CSMD1: variants seen among roughly 807,000 people sequenced by gnomAD.
CSMD1 encodes the protein CUB and Sushi multiple domains 1.
In CSMD1, 213 loss-of-function variants were observed where a neutral mutation model predicts 417.5. The observed-to-expected ratio is 0.51, with a 90% CI of 0.46 to 0.57. The LOEUF (loss-of-function observed/expected upper bound fraction) is 0.57. CSMD1 is among the 20% of genes least tolerant of loss of function. The pLI, the probability that CSMD1 is intolerant of heterozygous loss-of-function variation, is 0.00. For synonymous variants in CSMD1, 2,862 were observed against 1,736.8 expected, an observed-to-expected ratio of 1.65 and a Z score of -16.11; for missense variants, 6,923 against 4,529.7, an observed-to-expected ratio of 1.53 and a Z score of -15.17.
chr8:3,287,620 T>A (rs1321622688), intron 25 of CSMD1, among the ~76,000 whole-genome samples: 1 of 152,184 alleles, frequency 6.6e-6, no homozygotes, highest in Non-Finnish European at 1.5e-5. Flanking sequence ...TATTGGCATA[T>A]GAGAATGCTT....
At position 4,031,500 on chromosome 8, in the gene CSMD1, T is replaced by G. The variant is rs148150612; in HGVS notation, c.610+405A>C. On this transcript the variant is annotated intron_variant, in intron 4 of 69. Transcript: ENST00000635120. ...ACTTACCCCCATGATTCAATTACCT[T>G]CTACCAGGTTCCTCCCACAACATGT... Among the ~76,000 whole-genome samples, 198 of 152,240 alleles carry G rather than the reference T, an allele frequency of 1.3e-3. 1 individual carries two copies. The highest frequency in any genetic ancestry group is 4.4e-3 in the African/African-American group (182 of 41,536).
intron 2 of CSMD1, among the ~76,000 whole-genome samples, chr8:4,469,117 C>T (rs893485880): frequency 2.0e-5 from 3 of 152,144 alleles, no homozygotes; most frequent in African/African-American, 7.2e-5. Flanking sequence ...TGTGGCCTCC[C>T]TGGAGCTCTT....
chr8:3,444,002 G>A (rs2117073644), intron 12 of CSMD1, among the ~76,000 whole-genome samples: 1 of 152,240 alleles, frequency 6.6e-6, no homozygotes, highest in African/African-American at 2.4e-5. Flanking sequence ...TGGAAGACAT[G>A]AGAAAAAACC....
chr8:4,452,165 C>T (rs940020788), intron 2 of CSMD1, among the ~76,000 whole-genome samples: 3 of 152,104 alleles, frequency 2.0e-5, no homozygotes, highest in African/African-American at 7.2e-5. Flanking sequence ...AGTTTCCATG[C>T]CTCTTCCTTC....
chr8:3,470,493 T>G (rs1817023690), intron 11 of CSMD1, among the ~76,000 whole-genome samples: 1 of 152,214 alleles, frequency 6.6e-6, no homozygotes, highest in African/African-American at 2.4e-5. Flanking sequence ...GGATACAACC[T>G]ACCAGCCTCG....
chr8:4,750,898 G>C lies in CSMD1; in HGVS notation c.86-113340C>G, dbSNP rs553903942. 5.3e-5 allele frequency among the ~76,000 whole-genome samples: 8 copies of C among 152,320 alleles called. No homozygotes were observed. The South Asian group carries it at 1.5e-3, about 28-fold the overall frequency. Reference sequence around the variant, plus strand: ...TGAACACCCAGAGAAGCAGTACTAGGTCTTACTAATTTGGATAGCTCCATT... The same window carrying C: ...TGAACACCCAGAGAAGCAGTACTAGCTCTTACTAATTTGGATAGCTCCATT... On this transcript the variant is annotated intron_variant, in intron 1 of 69. Transcript: ENST00000635120.
intron 7 of CSMD1, among the ~76,000 whole-genome samples, chr8:3,680,942 T>G: frequency 6.6e-6 from 1 of 152,164 alleles, no homozygotes. Flanking sequence ...AAAAACCACA[T>G]GATTATCTCA....
At chr8:4,593,433 T>A (rs1800090048) in intron 2 of CSMD1, among the ~76,000 whole-genome samples, 1 of 152,186 alleles carries the variant, frequency 6.6e-6, no homozygotes, top group Non-Finnish European at 1.5e-5. Flanking sequence ...CCAACTGAAA[T>A]ACCCTTAAGC....
chr8:3,904,387 C>T (rs181620378), intron 5 of CSMD1, among the ~76,000 whole-genome samples: 2 of 152,190 alleles, frequency 1.3e-5, no homozygotes, highest in East Asian at 3.9e-4. Context: ...CAATGGAAAC[C>T]TCTTTATTGC....
chr8:4,625,510 T>C (rs1217814868), intron 2 of CSMD1, among the ~76,000 whole-genome samples: 3 of 152,030 alleles, frequency 2.0e-5, no homozygotes, highest in African/African-American at 7.2e-5. Context: ...AGCACATATG[T>C]TCCACTTCCT....
intron 1 of CSMD1, among the ~76,000 whole-genome samples, chr8:4,923,330 C>T (rs776364116): frequency 5.9e-5 from 9 of 152,032 alleles, no homozygotes; most frequent in Non-Finnish European, 8.8e-5. Context: ...TGGTTAGGAG[C>T]ATGAACAGTT....
chr8:3,035,139 A>C lies in CSMD1; in HGVS notation c.7661-5626T>G, dbSNP rs75996800. Reference sequence around the variant, plus strand: ...AGAAAACACTTGGTTCTTTCTAACAAAAATATCTTAGCTAGATCTCTCCTA... The same window carrying C: ...AGAAAACACTTGGTTCTTTCTAACACAAATATCTTAGCTAGATCTCTCCTA... On this transcript the variant is annotated intron_variant, in intron 50 of 69. Coordinates refer to ENST00000635120, the MANE Select transcript of CSMD1 (RefSeq NM_033225.6). Among the ~76,000 whole-genome samples the C allele has an allele frequency of 9.6e-3, 1,458 of 152,262 alleles. 31 individuals are homozygous for C. The highest frequency in any genetic ancestry group is 0.033 in the African/African-American group (1,376 of 41,528).
chr8:4,822,776 G>A lies in CSMD1; in HGVS notation c.85+171556C>T, dbSNP rs920198814. Among the ~76,000 whole-genome samples, 4 of 152,128 alleles carry A rather than the reference G, an allele frequency of 2.6e-5. No individual in the cohort carries two copies. In the East Asian group the frequency reaches 7.7e-4, roughly 29 times the overall value. On this transcript the variant is annotated intron_variant, in intron 1 of 69. Coordinates refer to ENST00000635120, the MANE Select transcript of CSMD1 (RefSeq NM_033225.6). Reference sequence around the variant, plus strand: ...AATACTGTTTTTAACCTCTGGGTATGGCAATCAAATCTTTTTAGAAAATAT... The same window carrying A: ...AATACTGTTTTTAACCTCTGGGTATAGCAATCAAATCTTTTTAGAAAATAT...
At chr8:3,000,991 T>G (rs919505038) in intron 52 of CSMD1, among the ~76,000 whole-genome samples, 2 of 151,742 alleles carry the variant, frequency 1.3e-5, no homozygotes. Flanking sequence ...TTTTTTTCTT[T>G]TTTTTTTTGG....
At chr8:2,974,386 G>C in intron 56 of CSMD1, 65 bp downstream of exon 56, 1 of 1,331,098 alleles carries the variant, frequency 7.5e-7, no homozygotes, top group East Asian at 2.5e-5. Flanking sequence ...ATCATTATTT[G>C]AAATCACTAT....
Position 3,367,077 on chromosome 8 carries a change from A to C in CSMD1, c.3070T>G (p.Ser1024Ala), listed in dbSNP as rs1809627480. The C allele has an allele frequency of 2.5e-6, 4 of 1,613,734 alleles. No homozygotes were observed. Among genetic ancestry groups the C allele is most frequent in the South Asian group, 2.2e-5 (2 of 91,020 alleles). The change falls in exon 20 of 70, where the codon TCA becomes GCA. Residue 1024 changes from serine to alanine, a missense_variant. By Grantham distance (99) the Ser-to-Ala change is moderately conservative (BLOSUM62 1). Transcript: ENST00000635120. ...CCCTCGTACGAAATTGAGAAGTCTG[A>C]TATAAACCGAAGCTGGGCAGTGAAG... Reference protein sequence around the residue: ...GNFTAQLRFISDFSISYEGFN... With the variant: ...GNFTAQLRFIADFSISYEGFN...
intron 3 of CSMD1, among the ~76,000 whole-genome samples, chr8:4,057,866 A>T (rs1391314672): frequency 2.0e-5 from 3 of 152,172 alleles, no homozygotes; most frequent in African/African-American, 7.2e-5. Context: ...TTATTTCTGC[A>T]GGCTGTGTTC....
At chr8:4,092,079 C>G (rs546726741) in intron 3 of CSMD1, among the ~76,000 whole-genome samples, 1 of 152,084 alleles carries the variant, frequency 6.6e-6, no homozygotes, top group African/African-American at 2.4e-5. Flanking sequence ...TACTTAGAAG[C>G]TTAAGAGGGA....
At chr8:4,766,996 C>G (rs776949266) in intron 1 of CSMD1, among the ~76,000 whole-genome samples, 1 of 152,192 alleles carries the variant, frequency 6.6e-6, no homozygotes, top group Non-Finnish European at 1.5e-5. Context: ...TTTCTTAGCT[C>G]TTGTCTTCTT....
Sources: allele counts gnomAD v4.1 joint callset (sites outside exome capture counted in the v4.1 genomes callset), GRCh38; gene constraint gnomAD v4.1.1; transcripts MANE v1.5; gene names NCBI Gene and HGNC (gene_info 2026-07-23, HGNC 2026-07-21).